Variants in MMAB observed in about 807,000 individuals in gnomAD.
The protein encoded by MMAB is metabolism of cobalamin associated B, also known as corrinoid adenosyltransferase MMAB.
MMAB carries 17 observed loss-of-function variants against 30.6 expected under a neutral mutation model. That is an observed-to-expected ratio of 0.56 (90% CI 0.38 to 0.83). MMAB has a LOEUF of 0.83. Among genes scored for constraint, MMAB ranks in the 40% least tolerant of loss-of-function variants. The pLI is 0.00. For missense variants in MMAB, 311 were observed against 331.6 expected (o/e 0.94, Z 0.48); for synonymous variants, 134 against 138.6 (o/e 0.97, Z 0.23).
rs1883971497 is a variant in MMAB at position 109,556,394 on chromosome 12, C to T, written c.*634G>A. 3 of 453,954 alleles carry T rather than the reference C, an allele frequency of 6.6e-6. No homozygotes were observed. Among genetic ancestry groups the T allele is most frequent in the Non-Finnish European group, 1.3e-5 (3 of 226,796 alleles). The allele number at this position is 453,954 out of a possible 1,614,324, so 28.1% of individuals were successfully genotyped here. A position where few individuals can be genotyped will look rare whatever the true frequency, so the allele number is the denominator to read the frequency against. ...GAGGGGGTCCTCTAAGCTGCACCCCCATCACACACACTTCAATCTAAGCCA... is the reference window on the plus strand; with the variant it reads ...GAGGGGGTCCTCTAAGCTGCACCCCTATCACACACACTTCAATCTAAGCCA... On this transcript the variant is annotated 3_prime_UTR_variant, in exon 9 of 9. Transcript: ENST00000545712.
intron 4 of MMAB, among the ~76,000 whole-genome samples, chr12:109,562,998 A>T (rs1281973121): frequency 1.3e-5 from 2 of 152,158 alleles, no homozygotes; most frequent in African/African-American, 4.8e-5. Context: ...GCGACTTCTG[A>T]CCTCTCCTAA....
At position 109,554,353 on chromosome 12, in the gene MMAB, G is replaced by A. The variant is rs763356845; in HGVS notation, c.*2675C>T. ...AAGAGCCAACTGCCAGCTTGTCTCT[G>A]GAAATGACACTAAACACCCCATTCC... On this transcript the variant is annotated 3_prime_UTR_variant, in exon 9 of 9. Transcript: ENST00000545712. 21 of 453,940 alleles carry A rather than the reference G, an allele frequency of 4.6e-5. No homozygotes were observed. The highest frequency in any genetic ancestry group is 3.3e-4 in the South Asian group (21 of 64,478). The allele number at this position is 453,940 out of a possible 1,614,324, so 28.1% of individuals were successfully genotyped here.
chr12:109,555,829 C>A lies in MMAB; in HGVS notation c.*1199G>T, dbSNP rs769298597. ...GTAAGAATGAAGGCAAAAATATGCA[C>A]GTGACTAAGAAGGTAATGTTTGCTG... On this transcript the variant is annotated 3_prime_UTR_variant, in exon 9 of 9. Coordinates refer to ENST00000545712, the MANE Select transcript of MMAB (RefSeq NM_052845.4). The A allele has an allele frequency of 1.3e-5, 6 of 453,878 alleles. No homozygotes were observed. The highest frequency in any genetic ancestry group is 6.2e-5 in the South Asian group (4 of 64,474). The allele number at this position is 453,878 out of a possible 1,614,324, so 28.1% of individuals were successfully genotyped here.
chr12:109,568,996 A>T, intron 2 of MMAB, 133 bp from the exon 3 acceptor site: 1 of 732,252 alleles, frequency 1.4e-6, no homozygotes, highest in Admixed American at 2.2e-5. Flanking sequence ...TCCAGGCTGG[A>T]GTACAGCGGC....
At chr12:109,560,970 T>TGGGGGGGGCC in intron 7 of MMAB, 70 bp downstream of exon 7, 1 of 808,206 alleles carries the variant, frequency 1.2e-6, no homozygotes, top group Non-Finnish European at 2.0e-6. Flanking sequence ...CTCCTCTCCC[T>TGGGGGGGGCC]CTCCCTCCCC....
chr12:109,561,184 C>T lies in MMAB; in HGVS notation c.520-80G>A. 6.3e-7 allele frequency: 1 copy of T among 1,595,894 alleles called. No individual in the cohort carries two copies. The highest frequency in any genetic ancestry group is 8.5e-7 in the Non-Finnish European group (1 of 1,176,184). On this transcript the variant is annotated intron_variant, in intron 6 of 8. Coordinates refer to ENST00000545712, the MANE Select transcript of MMAB (RefSeq NM_052845.4). This position sits in a 1 kb window ranked among gnomAD's most constrained non-coding sequence, Gnocchi z 5.3. ...GGACAGGAGCTCCTCTGAAGTCCAG[C>T]CCTGCCCCCCAAACCGGGCAGTGTT...
In MMAB at chr12:109,569,464, C is replaced by T. The variant is rs1007764362; in HGVS notation, c.197-601G>A. On this transcript the variant is annotated intron_variant, in intron 2 of 8. Transcript: ENST00000545712. The surrounding 1 kb of genome is among the most constrained non-coding windows in gnomAD (Gnocchi z 4.1). The stretch of plus-strand genomic sequence containing the variant: ...CTATGCTCACTTCTTTCCTGATGTG[C>T]TTTTCAACTTAAAAACCACATACTA... Among the ~76,000 whole-genome samples the T allele has an allele frequency of 6.6e-6, 1 of 152,196 alleles. No homozygotes were observed. The highest frequency in any genetic ancestry group is 2.4e-5 in the African/African-American group (1 of 41,442).
chr12:109,560,982 C>T (rs573960160), intron 7 of MMAB, 58 bp downstream of exon 7: 2 of 807,878 alleles, frequency 2.5e-6, no homozygotes, highest in Non-Finnish European at 4.1e-6. Flanking sequence ...TCCCTCCCCC[C>T]TCCCCCTTGT....
rs1182283826 is a variant in MMAB at position 109,553,921 on chromosome 12, A to T, written c.*3107T>A. The T allele has an allele frequency of 2.2e-6, 1 of 454,014 alleles. No homozygotes were observed. Among genetic ancestry groups the T allele is most frequent in the Admixed American group, 2.4e-5 (1 of 42,552 alleles). 28.1% of individuals were successfully genotyped at this position (454,014 alleles called of 1,614,324 possible). On this transcript the variant is annotated 3_prime_UTR_variant, in exon 9 of 9. Transcript: ENST00000545712. ...CGAACTGGGGACGTTTGTCATTGGG[A>T]TGTGTTACAAGTTCGGGCTGTGGAA...
At position 109,554,808 on chromosome 12, in the gene MMAB, C is replaced by T. The variant is rs1220476364; in HGVS notation, c.*2220G>A. 8.8e-6 allele frequency: 4 copies of T among 454,094 alleles called. 1 individual carries two copies. Among genetic ancestry groups the T allele is most frequent in the South Asian group, 6.2e-5 (4 of 64,470 alleles). 28.1% of individuals were successfully genotyped at this position (454,094 alleles called of 1,614,324 possible). On this transcript the variant is annotated 3_prime_UTR_variant, in exon 9 of 9. Transcript: ENST00000545712. Reference sequence around the variant, plus strand: ...GCAGAAGAGCAAATGTTTTAAACACCCCATCCTTCCAGCCCCCAAAGCAAG... The same window carrying T: ...GCAGAAGAGCAAATGTTTTAAACACTCCATCCTTCCAGCCCCCAAAGCAAG...
intron 2 of MMAB, 56 bp from the exon 3 acceptor site, chr12:109,568,919 GTT>G (rs370277568): frequency 1.7e-4 from 162 of 952,344 alleles, no homozygotes; most frequent in Middle Eastern, 4.6e-4. Context: ...CTGATATGCT[GTT>G]TTTTTTTTTT....
Position 109,554,037 on chromosome 12 carries a change from A to G in MMAB, c.*2991T>C. 2.2e-6 allele frequency: 1 copy of G among 454,118 alleles called. No individual in the cohort carries two copies. The highest frequency in any genetic ancestry group is 1.6e-5 in the South Asian group (1 of 64,474). The allele number at this position is 454,118 out of a possible 1,614,324, so 28.1% of individuals were successfully genotyped here. ...GAAATGAGACAGCAGGATCTATCAG[A>G]GCCTGGCATTGTTCGCCACAGCCCA... On this transcript the variant is annotated 3_prime_UTR_variant, in exon 9 of 9. Coordinates refer to ENST00000545712, the MANE Select transcript of MMAB (RefSeq NM_052845.4).
intron 3 of MMAB, 86 bp downstream of exon 3, chr12:109,568,684 C>T: frequency 9.4e-7 from 1 of 1,063,412 alleles, no homozygotes; most frequent in Non-Finnish European, 1.5e-6. Flanking sequence ...GAGGCTGCTG[C>T]CCAGCATGCG....
Position 109,573,485 on chromosome 12 carries a change from C to T in MMAB, c.-5G>A. On this transcript the variant is annotated 5_prime_UTR_variant, in exon 1 of 9. Transcript: ENST00000545712. ...CCCCAGGCCGCACACAGCCATGAGC[C>T]AGGCTGCTTGACGGGACCTGACCCC... The T allele has an allele frequency of 6.2e-7, 1 of 1,600,260 alleles. No individual in the cohort carries two copies. Among genetic ancestry groups the T allele is most frequent in the Non-Finnish European group, 8.5e-7 (1 of 1,177,264 alleles).
At chr12:109,573,182 G>C in intron 1 of MMAB, 165 bp downstream of exon 1, 1 of 837,804 alleles carries the variant, frequency 1.2e-6, no homozygotes. Context: ...AGACTACCTG[G>C]TCTCTGGCGC....
At chr12:109,571,610 T>G in intron 2 of MMAB, 39 bp downstream of exon 2, 12 of 1,562,278 alleles carry the variant, frequency 7.7e-6, no homozygotes, top group Non-Finnish European at 1.1e-5. Flanking sequence ...GTGTATGCCA[T>G]GAGTATTTCT....
At chr12:109,557,254 T>C (rs1884013696) in intron 8 of MMAB, 118 bp from the exon 9 acceptor site, 4 of 774,254 alleles carry the variant, frequency 5.2e-6, no homozygotes, top group Non-Finnish European at 9.1e-6. Context: ...TCTGGGCACA[T>C]TGTGCAGGGA....
chr12:109,569,147 A>AT lies in MMAB; in HGVS notation c.197-285dup, dbSNP rs958268081. ...TTTTAGTAGAGACGGGTTTTCGCCC[A>AT]TGTTGGCCGAGCTAGTCTTGAACTC... On this transcript the variant is annotated intron_variant, in intron 2 of 8. Coordinates refer to ENST00000545712, the MANE Select transcript of MMAB (RefSeq NM_052845.4). The surrounding 1 kb of genome is among the most constrained non-coding windows in gnomAD (Gnocchi z 4.1). Among the ~76,000 whole-genome samples, 5 of 151,952 alleles carry AT rather than the reference A, an allele frequency of 3.3e-5. No individual in the cohort carries two copies. Among genetic ancestry groups the AT allele is most frequent in the African/African-American group, 1.2e-4 (5 of 41,358 alleles).
chr12:109,571,675 T>C lies in MMAB; in HGVS notation c.170A>G (p.Lys57Arg). The C allele has an allele frequency of 1.2e-6, 2 of 1,614,172 alleles. No individual in the cohort carries two copies. Among genetic ancestry groups the C allele is most frequent in the South Asian group, 1.1e-5 (1 of 91,086 alleles). ...TTTGTCTCCCGTTTTGGTGTAAATCTTGGGGATCCTGGGTGTCTTCGAGGA... is the reference window on the plus strand; with the variant it reads ...TTTGTCTCCCGTTTTGGTGTAAATCCTGGGGATCCTGGGTGTCTTCGAGGA... ...QPSSKTPRIP[K>R]IYTKTGDKGF... The change falls in exon 2 of 9, where the codon AAG becomes AGG. Residue 57 changes from lysine (K) to arginine (R), a missense_variant. Coordinates refer to ENST00000545712, the MANE Select transcript of MMAB (RefSeq NM_052845.4).
Sources: allele counts gnomAD v4.1 joint callset (sites outside exome capture counted in the v4.1 genomes callset), GRCh38; gene constraint gnomAD v4.1.1; non-coding constraint Gnocchi (gnomAD v3.1); transcripts MANE v1.5; gene names NCBI Gene and HGNC (gene_info 2026-07-23, HGNC 2026-07-21).